The following PSMG2 variants were observed in gnomAD, a reference collection of about 807,000 sequenced individuals.
PSMG2 encodes the protein proteasome assembly chaperone 2.
Under a neutral mutation model 31.5 loss-of-function variants are expected in PSMG2, and 21 were observed. That is an observed-to-expected ratio of 0.67 (90% CI 0.47 to 0.96). The LOEUF is 0.96. Among genes scored for constraint, PSMG2 ranks in the 40% least tolerant of loss-of-function variants. PSMG2 has a pLI of 0.00. For synonymous variants in PSMG2, 120 were observed against 110.4 expected (o/e 1.09, Z -0.54); for missense variants, 318 against 321.2 (o/e 0.99, Z 0.08).
At chr18:12,720,871 GA>G in intron 5 of PSMG2, among the ~76,000 whole-genome samples, 188 bp downstream of exon 5, 1 of 152,108 alleles carries the variant, frequency 6.6e-6, no homozygotes, top group South Asian at 2.1e-4. Flanking sequence ...GAAACTTTGA[GA>G]ATATATTGCT....
upstream of PSMG2, chr18:12,702,658 G>C: frequency 1.6e-6 from 2 of 1,280,058 alleles, no homozygotes; most frequent in Non-Finnish European, 2.1e-6. Context: ...AAGCGCCGCA[G>C]CCGTTCGCCT....
chr18:12,702,601 GCGCGGC>G, upstream of PSMG2: 1 of 1,566,096 alleles, frequency 6.4e-7, no homozygotes, highest in Non-Finnish European at 8.6e-7. Context: ...TGCCCTAACT[GCGCGGC>G]CCCGGCCGGG....
chr18:12,714,231 G>A (rs2040356509), intron 3 of PSMG2, among the ~76,000 whole-genome samples: 1 of 152,144 alleles, frequency 6.6e-6, no homozygotes, highest in Non-Finnish European at 1.5e-5. Flanking sequence ...CAAGTTCGCA[G>A]GAGCCCCATA....
chr18:12,706,408 A>T, intron 1 of PSMG2, 142 bp from the exon 2 acceptor site: 1 of 777,978 alleles, frequency 1.3e-6, no homozygotes, highest in Non-Finnish European at 2.1e-6. Flanking sequence ...AATTGCTTCA[A>T]GCCAGGAGGC....
At chr18:12,689,123 A>C (rs891206323) in intron 1 of PSMG2, among the ~76,000 whole-genome samples, 6 of 152,090 alleles carry the variant, frequency 3.9e-5, no homozygotes, top group East Asian at 1.9e-4. Context: ...ACAACAACAA[A>C]AAAAAGTTCT....
rs1468480084 is a variant in PSMG2, at chr18:12,725,696, C to T, written c.*165C>T. ...TCTTTGCCATGCTTTTCATCATATG[C>T]ACCAAATGTAAATTTTGTACAATAA... On this transcript the variant is annotated 3_prime_UTR_variant, in exon 7 of 7. Transcript: ENST00000317615. 13 of 451,194 alleles carry T rather than the reference C, an allele frequency of 2.9e-5. No homozygotes were observed. The highest frequency in any genetic ancestry group is 4.3e-5 in the Non-Finnish European group (11 of 258,378). 27.9% of individuals were successfully genotyped at this position (451,194 alleles called of 1,614,324 possible). A position where few individuals can be genotyped will look rare whatever the true frequency, so the allele number is the denominator to read the frequency against.
At chr18:12,675,269 G>A (rs1246530505) in intron 1 of PSMG2, among the ~76,000 whole-genome samples, 1 of 152,050 alleles carries the variant, frequency 6.6e-6, no homozygotes, top group Non-Finnish European at 1.5e-5. Flanking sequence ...GGTGGCGGGT[G>A]CATGTAGTCC....
upstream of PSMG2, chr18:12,700,998 C>A (rs751375494): frequency 3.1e-6 from 5 of 1,613,288 alleles, no homozygotes; most frequent in South Asian, 2.2e-5. Flanking sequence ...GTCAATGATT[C>A]CTCGACGTCT....
chr18:12,697,322 C>T (rs74943012), intron 1 of PSMG2: 1 of 1,613,678 alleles, frequency 6.2e-7, no homozygotes, highest in Non-Finnish European at 8.5e-7. Context: ...GTCGTCTCAC[C>T]AAATATGTCT....
At chr18:12,689,932 G>A (rs1156846691) in intron 1 of PSMG2, among the ~76,000 whole-genome samples, 2 of 152,122 alleles carry the variant, frequency 1.3e-5, no homozygotes, top group Non-Finnish European at 2.9e-5. Flanking sequence ...GGGATTATAG[G>A]TGCCTGCCAC....
intron 1 of PSMG2, chr18:12,665,104 A>G (rs1385148884): frequency 6.6e-6 from 1 of 151,766 alleles, no homozygotes; most frequent in Non-Finnish European, 1.5e-5. Context: ...TATGCATTCT[A>G]CTTTGACCCT....
At chr18:12,695,410 C>G (rs2039917730) in intron 1 of PSMG2, 1 of 743,368 alleles carries the variant, frequency 1.3e-6, no homozygotes, top group Non-Finnish European at 2.1e-6. Flanking sequence ...TTTAGTCAAC[C>G]AAAGTCTAAC....
intron 3 of PSMG2, 41 bp from the exon 4 acceptor site, chr18:12,718,476 A>T (rs780754492): frequency 5.3e-6 from 7 of 1,314,302 alleles, no homozygotes; most frequent in Non-Finnish European, 7.5e-6. Context: ...TCTAAGACTA[A>T]CTTTTAGATT....
At chr18:12,672,948 A>G (rs1027703157) in intron 1 of PSMG2, 4 of 982,404 alleles carry the variant, frequency 4.1e-6, no homozygotes, top group African/African-American at 3.5e-5. Flanking sequence ...AATTTCTCCT[A>G]ATCTGTATAA....
At chr18:12,720,931 C>G (rs1442143546) in intron 5 of PSMG2, among the ~76,000 whole-genome samples, 1 of 152,128 alleles carries the variant, frequency 6.6e-6, no homozygotes, top group Non-Finnish European at 1.5e-5. Flanking sequence ...TTTGGAAGGC[C>G]GAGGCAGGCG....
chr18:12,694,721 T>C (rs1206628320), intron 1 of PSMG2, among the ~76,000 whole-genome samples: 2 of 149,612 alleles, frequency 1.3e-5, no homozygotes, highest in East Asian at 1.9e-4. Flanking sequence ...TTTTTTTTTT[T>C]CTTTTTTTGA....
chr18:12,724,679 TTATA>T (rs2040459373), intron 6 of PSMG2, 60 bp downstream of exon 6: 2 of 1,466,382 alleles, frequency 1.4e-6, no homozygotes, highest in African/African-American at 1.4e-5. Context: ...AACTCGCACT[TTATA>T]TACTACCTAA....
chr18:12,696,239 C>T (rs1246509280), intron 1 of PSMG2, among the ~76,000 whole-genome samples: 2 of 152,140 alleles, frequency 1.3e-5, no homozygotes, highest in Non-Finnish European at 2.9e-5. Context: ...GGCGCGGTGA[C>T]TCACGCCAAT....
chr18:12,676,477 G>A (rs1291863984), intron 1 of PSMG2, among the ~76,000 whole-genome samples: 1 of 151,616 alleles, frequency 6.6e-6, no homozygotes, highest in African/African-American at 2.4e-5. Flanking sequence ...GTCTCACCAC[G>A]TTGCCCAGGC....
Sources: allele counts gnomAD v4.1 joint callset (sites outside exome capture counted in the v4.1 genomes callset), GRCh38; gene constraint gnomAD v4.1.1; transcripts MANE v1.5; gene names NCBI Gene and HGNC (gene_info 2026-07-23, HGNC 2026-07-21).